Variants in RGS12 observed in about 807,000 individuals in gnomAD.
The protein encoded by RGS12 is regulator of G-protein signaling 12.
RGS12 carries 66 observed loss-of-function variants against 120.1 expected under a neutral mutation model. The ratio of observed to expected loss-of-function variants is 0.55; its 90% confidence interval spans 0.45 to 0.67. RGS12 has a LOEUF of 0.67. Ranked by LOEUF, RGS12 falls within the 30% of genes least tolerant of loss-of-function variation. The probability of loss-of-function intolerance (pLI) is 0.00; values close to 1 mark genes in which losing one functional copy is unlikely to be tolerated. For synonymous variants in RGS12, 827 were observed against 804.7 expected, an observed-to-expected ratio of 1.03 and a Z score of -0.47; for missense variants, 1,859 against 1,957.7, an observed-to-expected ratio of 0.95 and a Z score of 0.95.
At chr4:3,386,533 G>C in intron 4 of RGS12, 96 bp downstream of exon 4, 1 of 1,100,808 alleles carries the variant, frequency 9.1e-7, no homozygotes, top group Non-Finnish European at 1.3e-6. Flanking sequence ...AGGAAGGACG[G>C]GTTGTTTGCC....
intron 17 of RGS12, chr4:3,431,170 C>A: frequency 7.1e-7 from 1 of 1,411,010 alleles, no homozygotes; most frequent in Non-Finnish European, 9.2e-7. Context: ...CCCCCCGAGG[C>A]GCTCTGGGCA....
chr4:3,316,575 G>A lies in RGS12; in HGVS notation c.405G>A (p.Glu135=). The A allele has an allele frequency of 1.2e-6, 2 of 1,614,206 alleles. No individual in the cohort carries two copies. Among genetic ancestry groups the A allele is most frequent in the South Asian group, 2.2e-5 (2 of 91,082 alleles). The change falls in exon 2 of 18, where the codon GAG becomes GAA. Residue 135 remains glutamate, a synonymous_variant. Coordinates refer to ENST00000336727, the MANE Select transcript of RGS12 (RefSeq NM_001394154.1). ...DSKALGINRA[E]RVVEEMQSGG... is the part of the protein sequence containing the mutation. ...AAGCACTAGGTATAAACAGAGCAGA[G>A]CGAGTCGTGGAGGAAATGCAGTCTG...
chr4:3,402,853 AG>A (rs1720734316), intron 4 of RGS12, among the ~76,000 whole-genome samples: 1 of 152,224 alleles, frequency 6.6e-6, no homozygotes, highest in African/African-American at 2.4e-5. Context: ...TTTCAGCTCA[AG>A]TAAGCATAAT....
rs995253573 is a variant in RGS12 at position 3,417,074 on chromosome 4, T to A, written c.2589T>A (p.Ser863Arg). 4 of 1,607,036 alleles carry A rather than the reference T, an allele frequency of 2.5e-6. No individual in the cohort carries two copies. The highest frequency in any genetic ancestry group is 3.4e-6 in the Non-Finnish European group (4 of 1,175,218). ...ACAGCCTCGGTTCAGACCACTCCAG[T>A]GTGTCCACGCCAAAAAAGGTGACCT... Reference protein sequence around the residue: ...SKHSLGSDHSSVSTPKKLSGK... With the variant: ...SKHSLGSDHSRVSTPKKLSGK... The change falls in exon 8 of 18, where the codon AGT (serine) becomes AGA (arginine). Residue 863 changes from serine to arginine, a missense_variant. Around this residue, in one of 3 missense-constraint regions of RGS12, gnomAD observed 375 missense variants for 475.0 expected, o/e 0.79. Coordinates refer to ENST00000336727, the MANE Select transcript of RGS12 (RefSeq NM_001394154.1).
intron 3 of RGS12, among the ~76,000 whole-genome samples, chr4:3,363,126 AGT>A (rs1306229277): frequency 1.4e-5 from 2 of 145,512 alleles, no homozygotes; most frequent in African/African-American, 5.2e-5. Context: ...AGTGCGCATC[AGT>A]GAGTGTGGGG....
chr4:3,373,250 C>T (rs941602190), intron 3 of RGS12, among the ~76,000 whole-genome samples: 2 of 152,250 alleles, frequency 1.3e-5, no homozygotes, highest in African/African-American at 2.4e-5. Flanking sequence ...TCTTCCCTCG[C>T]GAGTCTACCA....
intron 2 of RGS12, among the ~76,000 whole-genome samples, chr4:3,321,654 A>C (rs996327745): frequency 6.6e-6 from 1 of 152,136 alleles, no homozygotes; most frequent in South Asian, 2.1e-4. Flanking sequence ...CCTGCACCCC[A>C]GGGCAGGGTT....
chr4:3,386,084 T>G, intron 3 of RGS12: 1 of 345,970 alleles, frequency 2.9e-6, no homozygotes, highest in Non-Finnish European at 5.3e-6. Context: ...CCCCAGTGTG[T>G]GTGTCACTTA....
At chr4:3,382,690 TG>T (rs1718391007) in intron 3 of RGS12, among the ~76,000 whole-genome samples, 2 of 151,988 alleles carry the variant, frequency 1.3e-5, no homozygotes, top group African/African-American at 4.8e-5. Flanking sequence ...CTCTGTACTG[TG>T]GTCAGTGTAA....
rs1472655544 is a variant in RGS12, at chr4:3,417,550, G to A, written c.2761+9G>A. On this transcript the variant is annotated intron_variant, in intron 9 of 17. Coordinates refer to ENST00000336727, the MANE Select transcript of RGS12 (RefSeq NM_001394154.1). ...CGGGGACCACGCAGACGGTTTGTGGGGTGGCTCCTGGGCTGTGGTGTCCAG... is the reference window on the plus strand; with the variant it reads ...CGGGGACCACGCAGACGGTTTGTGGAGTGGCTCCTGGGCTGTGGTGTCCAG... 7.4e-6 allele frequency: 12 copies of A among 1,612,050 alleles called. No homozygotes were observed. Among genetic ancestry groups the A allele is most frequent in the Non-Finnish European group, 1.0e-5 (12 of 1,179,474 alleles).
chr4:3,365,703 C>T lies in RGS12; in HGVS notation c.1999-20713C>T, dbSNP rs1368595305. Among the ~76,000 whole-genome samples the T allele has an allele frequency of 6.6e-6, 1 of 152,202 alleles. No homozygotes were observed. The highest frequency in any genetic ancestry group is 1.5e-5 in the Non-Finnish European group (1 of 68,036). On this transcript the variant is annotated intron_variant, in intron 3 of 17. Coordinates refer to ENST00000336727, the MANE Select transcript of RGS12 (RefSeq NM_001394154.1). This position sits in a 1 kb window ranked among gnomAD's most constrained non-coding sequence, Gnocchi z 4.0. ...CCTTTCAGAATAAGCTCCTTTTACCCTGTCTCTTAGGTTTGCGACTTTGCT... is the reference window on the plus strand; with the variant it reads ...CCTTTCAGAATAAGCTCCTTTTACCTTGTCTCTTAGGTTTGCGACTTTGCT...
chr4:3,375,200 T>G (rs1418055040), intron 3 of RGS12, among the ~76,000 whole-genome samples: 1 of 152,108 alleles, frequency 6.6e-6, no homozygotes, highest in Non-Finnish European at 1.5e-5. Context: ...GAGTCTTGGT[T>G]CATATGAGGA....
intron 4 of RGS12, among the ~76,000 whole-genome samples, chr4:3,403,083 G>A (rs140006971): frequency 3.9e-5 from 6 of 152,324 alleles, no homozygotes; most frequent in African/African-American, 1.2e-4. Context: ...CGCAGGAGCC[G>A]CTCTGCTCAC....
intron 6 of RGS12, 120 bp downstream of exon 6, chr4:3,414,964 G>A (rs1330779632): frequency 2.3e-5 from 16 of 684,038 alleles, no homozygotes; most frequent in Admixed American, 4.7e-5. Context: ...TGTGAGGGGC[G>A]TGAGAGGGGC....
chr4:3,324,956 T>G (rs1308100574), intron 2 of RGS12, among the ~76,000 whole-genome samples: 4 of 152,230 alleles, frequency 2.6e-5, no homozygotes, highest in Non-Finnish European at 5.9e-5. Flanking sequence ...CCTTGGCCAT[T>G]TTTCTACCTG....
At chr4:3,320,528 A>G (rs1040788409) in intron 2 of RGS12, among the ~76,000 whole-genome samples, 2 of 152,200 alleles carry the variant, frequency 1.3e-5, no homozygotes, top group Admixed American at 1.3e-4. Flanking sequence ...GTCACAGGGC[A>G]TGTGAGTGCT....
chr4:3,319,722 G>A (rs1403623226), intron 2 of RGS12, among the ~76,000 whole-genome samples: 1 of 152,248 alleles, frequency 6.6e-6, no homozygotes, highest in East Asian at 1.9e-4. Flanking sequence ...TGGGATTACA[G>A]GCATGAGCCA....
At chr4:3,323,862 TGTGTGTGTGTGA>T (rs1447770643) in intron 2 of RGS12, 2 of 72,598 alleles carry the variant, frequency 2.8e-5, no homozygotes, top group Non-Finnish European at 5.2e-5. Context: ...TGTGTGTGTG[TGTGTGTGTGTGA>T]GAGAGAGAGA....
In RGS12 at chr4:3,422,892, C is replaced by T; in HGVS notation, c.3034-13C>T. The T allele has an allele frequency of 6.2e-7, 1 of 1,612,522 alleles. No homozygotes were observed. The highest frequency in any genetic ancestry group is 8.5e-7 in the Non-Finnish European group (1 of 1,179,398). ...GCTGTGCCCACGTTGATTCTGGTCT[C>T]TCTGTTCCTCAGCCTCTGGTGCTGC... On this transcript the variant is annotated splice_polypyrimidine_tract_variant and intron_variant, in intron 11 of 17. Coordinates refer to ENST00000336727, the MANE Select transcript of RGS12 (RefSeq NM_001394154.1).
Sources: gnomAD v4.1 joint callset for allele counts (sites outside exome capture counted in the v4.1 genomes callset) on GRCh38, gnomAD v4.1.1 for gene constraint, gnomAD v4.1.1 regional missense constraint, Gnocchi (gnomAD v3.1) non-coding constraint, MANE v1.5 for transcripts, NCBI Gene and HGNC (gene_info 2026-07-23, HGNC 2026-07-21) for gene names.